The following NKAIN2 variants were observed in gnomAD, a reference collection of about 807,000 sequenced individuals.
The protein encoded by NKAIN2 is sodium/potassium-transporting ATPase subunit beta-1-interacting protein 2.
NKAIN2 carries 14 observed loss-of-function variants against 32.6 expected under a neutral mutation model. The observed-to-expected ratio is 0.43, with a 90% CI of 0.28 to 0.67. The LOEUF is 0.67. Ranked by LOEUF, NKAIN2 falls within the 30% of genes least tolerant of loss-of-function variation. NKAIN2 has a pLI of 0.17. For missense variants in NKAIN2, 198 were observed against 258.3 expected (o/e 0.77, Z 1.60); for synonymous variants, 80 against 87.2 (o/e 0.92, Z 0.46).
chr6:123,810,133 T>G (rs1582567737), intron 1 of NKAIN2, among the ~76,000 whole-genome samples: 1 of 152,176 alleles, frequency 6.6e-6, no homozygotes, highest in Non-Finnish European at 1.5e-5. Context: ...GATATTAATA[T>G]CCTCACTTTA....
At chr6:124,067,212 C>A (rs1783233217) in intron 1 of NKAIN2, among the ~76,000 whole-genome samples, 1 of 152,120 alleles carries the variant, frequency 6.6e-6, no homozygotes, top group Admixed American at 6.6e-5. Context: ...GGCACCCTTC[C>A]TAGAACAGAC....
At chr6:124,629,918 G>A (rs1783498259) in intron 3 of NKAIN2, among the ~76,000 whole-genome samples, 3 of 152,030 alleles carry the variant, frequency 2.0e-5, no homozygotes, top group South Asian at 4.1e-4. Flanking sequence ...TTAGACTTTA[G>A]GTTCTATGCT....
chr6:124,295,065 C>A (rs1350709114), intron 2 of NKAIN2, among the ~76,000 whole-genome samples: 1 of 152,044 alleles, frequency 6.6e-6, no homozygotes, highest in South Asian at 2.1e-4. Flanking sequence ...GGAAGTGAAG[C>A]GACTACCATA....
At chr6:124,372,498 T>G (rs1394814317) in intron 3 of NKAIN2, among the ~76,000 whole-genome samples, 1 of 152,152 alleles carries the variant, frequency 6.6e-6, no homozygotes, top group Non-Finnish European at 1.5e-5. Context: ...TCAGGATTTT[T>G]ATGTTTGTCT....
rs149139266 is a variant in NKAIN2, at chr6:124,602,756, A to G, written c.274-55430A>G. On this transcript the variant is annotated intron_variant, in intron 3 of 6. Coordinates refer to ENST00000368417, the MANE Select transcript of NKAIN2 (RefSeq NM_001040214.3). ...CTAATGTATGCATTTGAGGTCAAAC[A>G]GTATACTTGTATGTTCTTCTTTACC... 7.2e-3 allele frequency among the ~76,000 whole-genome samples: 1,088 copies of G among 152,028 alleles called. 12 individuals carry two copies. Among genetic ancestry groups the G allele is most frequent in the African/African-American group, 0.024 (983 of 41,522 alleles).
intron 1 of NKAIN2, among the ~76,000 whole-genome samples, chr6:124,100,397 CAT>C (rs571754437): frequency 8.6e-4 from 131 of 152,292 alleles, no homozygotes; most frequent in African/African-American, 2.3e-3. Flanking sequence ...CTTTCAGACA[CAT>C]GTGTAATTCC....
At chr6:124,389,715 T>TTGTGTG (rs3052704) in intron 3 of NKAIN2, among the ~76,000 whole-genome samples, 10 of 141,904 alleles carry the variant, frequency 7.0e-5, no homozygotes, top group South Asian at 2.2e-4. Context: ...CTGTGTACAT[T>TTGTGTG]TGTGTGTGTG....
chr6:123,930,497 A>G (rs2114518912), intron 1 of NKAIN2, among the ~76,000 whole-genome samples: 1 of 152,340 alleles, frequency 6.6e-6, no homozygotes, highest in South Asian at 2.1e-4. Flanking sequence ...AAGTTAAAGG[A>G]AAATGTTTTG....
At chr6:124,219,057 A>G (rs897972660) in intron 1 of NKAIN2, among the ~76,000 whole-genome samples, 3 of 151,940 alleles carry the variant, frequency 2.0e-5, no homozygotes, top group Non-Finnish European at 4.4e-5. Context: ...CCATGATGCA[A>G]TCACCTCCCT....
At chr6:124,571,493 A>C (rs1014949516) in intron 3 of NKAIN2, among the ~76,000 whole-genome samples, 1 of 152,118 alleles carries the variant, frequency 6.6e-6, no homozygotes, top group Non-Finnish European at 1.5e-5. Context: ...ATAGTGAGTA[A>C]GTCTCATGAG....
At chr6:123,824,685 G>A (rs1774071002) in intron 1 of NKAIN2, among the ~76,000 whole-genome samples, 1 of 150,384 alleles carries the variant, frequency 6.6e-6, no homozygotes, top group Middle Eastern at 3.5e-3. Context: ...GTATACCTAT[G>A]TAACAAACCT....
intron 1 of NKAIN2, among the ~76,000 whole-genome samples, chr6:124,170,759 G>A (rs184455592): frequency 1.2e-4 from 18 of 152,074 alleles, no homozygotes; most frequent in Admixed American, 1.1e-3. Context: ...TTTTAGTTCC[G>A]TGGATGTTCC....
intron 1 of NKAIN2, among the ~76,000 whole-genome samples, chr6:123,993,467 G>A (rs1036325251): frequency 1.3e-5 from 2 of 152,076 alleles, no homozygotes; most frequent in Admixed American, 6.5e-5. Flanking sequence ...TTTCTTTTCA[G>A]GTCTCAAGAT....
chr6:124,454,096 G>GT (rs34030256), intron 3 of NKAIN2, among the ~76,000 whole-genome samples: 3,126 of 83,234 alleles, frequency 0.038, 134 homozygotes, highest in African/African-American at 0.093. Flanking sequence ...AATATGTTGG[G>GT]TTTTTTTTTT....
intron 3 of NKAIN2, among the ~76,000 whole-genome samples, chr6:124,644,323 TTC>T (rs1328282073): frequency 2.6e-5 from 4 of 152,144 alleles, no homozygotes; most frequent in Non-Finnish European, 5.9e-5. Context: ...ATGTTAACAA[TTC>T]TGAGTCCCTT....
At chr6:124,357,694 A>G (rs1799051633) in intron 3 of NKAIN2, among the ~76,000 whole-genome samples, 1 of 152,222 alleles carries the variant, frequency 6.6e-6, no homozygotes, top group Non-Finnish European at 1.5e-5. Context: ...TGATGGCTTC[A>G]TAATGGATAT....
At chr6:124,621,560 G>T (rs1024321931) in intron 3 of NKAIN2, among the ~76,000 whole-genome samples, 2 of 152,086 alleles carry the variant, frequency 1.3e-5, no homozygotes, top group Admixed American at 6.5e-5. Context: ...TTCTTTCTCA[G>T]ACTCTGGCCA....
chr6:124,003,090 C>A (rs1488860094), intron 1 of NKAIN2, among the ~76,000 whole-genome samples: 1 of 152,156 alleles, frequency 6.6e-6, no homozygotes, highest in Admixed American at 6.6e-5. Context: ...GCAGACAATG[C>A]AACTATTCCT....
chr6:123,831,664 T>C (rs1774386317), intron 1 of NKAIN2, among the ~76,000 whole-genome samples: 1 of 151,276 alleles, frequency 6.6e-6, no homozygotes. Flanking sequence ...TTTTTTTGTT[T>C]TTTTTTTTTG....
Sources: gnomAD v4.1 joint callset for allele counts (sites outside exome capture counted in the v4.1 genomes callset) on GRCh38, gnomAD v4.1.1 for gene constraint, MANE v1.5 for transcripts, NCBI Gene and HGNC (gene_info 2026-07-23, HGNC 2026-07-21) for gene names.